Variants in GRIN2B observed in about 807,000 individuals in gnomAD.
The protein encoded by GRIN2B is glutamate ionotropic receptor NMDA type subunit 2B.
Under a neutral mutation model 114.5 loss-of-function variants are expected in GRIN2B, and 5 were observed. The observed-to-expected ratio is 0.04, with a 90% CI of 0.02 to 0.09. The LOEUF (loss-of-function observed/expected upper bound fraction) is 0.09. Ranked by LOEUF, GRIN2B falls within the 10% of genes least tolerant of loss-of-function variation. The probability of loss-of-function intolerance (pLI) is 1.00; values close to 1 mark genes in which losing one functional copy is unlikely to be tolerated. For missense variants in GRIN2B, 1,108 were observed against 1,943.5 expected (o/e 0.57, Z 8.08); for synonymous variants, 787 against 745.1 (o/e 1.06, Z -0.92).
At chr12:13,741,574 G>C (rs1473528473) in intron 4 of GRIN2B, among the ~76,000 whole-genome samples, 2 of 151,790 alleles carry the variant, frequency 1.3e-5, no homozygotes, top group Non-Finnish European at 2.9e-5. Flanking sequence ...TTATTTTTTT[G>C]AGACAGGGTC....
intron 12 of GRIN2B, among the ~76,000 whole-genome samples, chr12:13,567,975 T>C (rs1376304195): frequency 6.6e-6 from 1 of 151,560 alleles, no homozygotes; most frequent in East Asian, 2.0e-4. Context: ...GCAGATTGGG[T>C]AGGGAGAAGA....
At chr12:13,613,808 T>C (rs11608931) in intron 8 of GRIN2B, among the ~76,000 whole-genome samples, 12,692 of 152,132 alleles carry the variant, frequency 0.083, 574 homozygotes, top group Non-Finnish European at 0.1. Context: ...CAATAAATGT[T>C]GGCTTCTCTT....
chr12:13,967,030 T>A (rs1393970039), intron 2 of GRIN2B, among the ~76,000 whole-genome samples: 3 of 152,050 alleles, frequency 2.0e-5, no homozygotes, highest in African/African-American at 7.2e-5. Context: ...GCAGGGAAAA[T>A]GTAAAAAACC....
chr12:13,907,617 T>C (rs948965159), intron 2 of GRIN2B, among the ~76,000 whole-genome samples: 1 of 152,088 alleles, frequency 6.6e-6, no homozygotes, highest in Non-Finnish European at 1.5e-5. Flanking sequence ...GGTTATAACA[T>C]AACAGGGAAT....
chr12:13,548,332 C>T lies in GRIN2B; in HGVS notation c.*14451G>A, dbSNP rs1202157817. On this transcript the variant is annotated 3_prime_UTR_variant, in exon 14 of 14. Transcript: ENST00000609686. ...ATAGATTTTCTTTGTAAGACTTCCT[C>T]CATTGGCCGCTATGGTACAGCTCAG... is the stretch of plus-strand genomic sequence containing the variant. The T allele has an allele frequency of 6.6e-6, 1 of 151,952 alleles. No individual in the cohort carries two copies. The highest frequency in any genetic ancestry group is 1.5e-5 in the Non-Finnish European group (1 of 67,986). The allele number at this position is 151,952 out of a possible 1,614,324, so 9.4% of individuals were successfully genotyped here. A position where few individuals can be genotyped will look rare whatever the true frequency, so the allele number is the denominator to read the frequency against.
intron 10 of GRIN2B, among the ~76,000 whole-genome samples, chr12:13,607,124 A>C (rs1218510418): frequency 1.5e-5 from 2 of 137,514 alleles, no homozygotes; most frequent in African/African-American, 2.7e-5. Flanking sequence ...AACCACATCT[A>C]ACAGGAGGTA....
Position 13,755,509 on chromosome 12 carries a change from G to C in GRIN2B, c.412-1594C>G, listed in dbSNP as rs571454635. Among the ~76,000 whole-genome samples the C allele has an allele frequency of 5.3e-5, 8 of 152,304 alleles. No individual in the cohort carries two copies. In the East Asian group the frequency reaches 1.3e-3, roughly 26 times the overall value. ...CAGCACTCTCTTCTCTGGACTTAAAGATACAGTTGAAGAGGAGCTTCATAG... is the reference window on the plus strand; with the variant it reads ...CAGCACTCTCTTCTCTGGACTTAAACATACAGTTGAAGAGGAGCTTCATAG... On this transcript the variant is annotated intron_variant, in intron 3 of 13. Coordinates refer to ENST00000609686, the MANE Select transcript of GRIN2B (RefSeq NM_000834.5).
intron 2 of GRIN2B, among the ~76,000 whole-genome samples, chr12:13,894,395 G>A (rs1419180036): frequency 2.6e-5 from 4 of 152,034 alleles, no homozygotes; most frequent in Non-Finnish European, 4.4e-5. Context: ...ATGCTAAGTA[G>A]CCTAAAAAAA....
chr12:13,720,396 G>A (rs1392714195), intron 4 of GRIN2B, among the ~76,000 whole-genome samples: 3 of 152,022 alleles, frequency 2.0e-5, no homozygotes, highest in Non-Finnish European at 4.4e-5. Context: ...CATAAAACTG[G>A]CTAGGGTCAA....
At chr12:13,616,786 C>T in intron 5 of GRIN2B, 129 bp from the exon 6 acceptor site, 1 of 750,990 alleles carries the variant, frequency 1.3e-6, no homozygotes, top group South Asian at 1.4e-5. Flanking sequence ...ATTGTACATA[C>T]TAGAGATAGG....
chr12:13,610,915 T>C (rs1287578659), intron 9 of GRIN2B, among the ~76,000 whole-genome samples: 2 of 152,194 alleles, frequency 1.3e-5, no homozygotes, highest in African/African-American at 4.8e-5. Context: ...GAATCTTCCC[T>C]CTTGGAGGTT....
At chr12:13,901,799 T>A (rs1375122533) in intron 2 of GRIN2B, among the ~76,000 whole-genome samples, 1 of 152,126 alleles carries the variant, frequency 6.6e-6, no homozygotes, top group Non-Finnish European at 1.5e-5. Context: ...ACACAAAAAA[T>A]TTCCCTACTC....
chr12:13,934,446 G>A (rs1025170398), intron 2 of GRIN2B, among the ~76,000 whole-genome samples: 3 of 152,164 alleles, frequency 2.0e-5, no homozygotes, highest in Non-Finnish European at 4.4e-5. Flanking sequence ...TTCCACTTTA[G>A]AATTAATGAA....
At chr12:13,896,191 C>G (rs1866350563) in intron 2 of GRIN2B, among the ~76,000 whole-genome samples, 1 of 152,018 alleles carries the variant, frequency 6.6e-6, no homozygotes, top group Non-Finnish European at 1.5e-5. Context: ...CTTTAACTGG[C>G]AATAAACTCA....
intron 2 of GRIN2B, among the ~76,000 whole-genome samples, chr12:13,965,297 A>G (rs999494946): frequency 6.6e-6 from 1 of 152,102 alleles, no homozygotes; most frequent in Non-Finnish European, 1.5e-5. Context: ...TATGCTTATG[A>G]GTTTGTAATT....
Position 13,677,312 on chromosome 12 carries a change from G to T in GRIN2B, c.1011-1453C>A, listed in dbSNP as rs146406837. Among the ~76,000 whole-genome samples the T allele has an allele frequency of 2.6e-3, 401 of 152,258 alleles. 2 individuals carry two copies. The highest frequency in any genetic ancestry group is 9.3e-3 in the African/African-American group (385 of 41,552). ...AACTCCTCTCATTCAATGAAACTGG[G>T]AGGTCTTCTTTGATTCTTCCAGGTA... On this transcript the variant is annotated intron_variant, in intron 4 of 13. Coordinates refer to ENST00000609686, the MANE Select transcript of GRIN2B (RefSeq NM_000834.5).
intron 3 of GRIN2B, among the ~76,000 whole-genome samples, chr12:13,840,020 T>C (rs1865350032): frequency 1.3e-5 from 2 of 152,188 alleles, no homozygotes; most frequent in South Asian, 4.1e-4. Context: ...CCCACCTAGC[T>C]AGAAGGAGAA....
chr12:13,591,506 T>G (rs1323678287), intron 10 of GRIN2B, among the ~76,000 whole-genome samples: 1 of 152,176 alleles, frequency 6.6e-6, no homozygotes, highest in South Asian at 2.1e-4. Flanking sequence ...AACTGAGGCA[T>G]GAGAAGGGTT....
chr12:13,695,290 C>G (rs1950250697), intron 4 of GRIN2B, among the ~76,000 whole-genome samples: 1 of 152,204 alleles, frequency 6.6e-6, no homozygotes, highest in African/African-American at 2.4e-5. Context: ...CACTGGCCTG[C>G]CACTGTCATA....
Sources: allele counts gnomAD v4.1 joint callset (sites outside exome capture counted in the v4.1 genomes callset), GRCh38; gene constraint gnomAD v4.1.1; transcripts MANE v1.5; gene names NCBI Gene and HGNC (gene_info 2026-07-23, HGNC 2026-07-21).